Variants in ACSL1 observed in about 807,000 individuals in gnomAD.
The protein encoded by ACSL1 is acyl-CoA synthetase long chain family member 1.
A neutral mutation model predicts 98.4 loss-of-function variants in ACSL1; 41 were observed. That is an observed-to-expected ratio of 0.42 (90% confidence interval 0.32 to 0.54). The LOEUF (loss-of-function observed/expected upper bound fraction) is 0.54. Ranked by LOEUF, ACSL1 falls within the 20% of genes least tolerant of loss-of-function variation. The pLI is 0.13. For synonymous variants in ACSL1, 316 were observed against 322.7 expected (o/e 0.98, Z 0.22); for missense variants, 734 against 883.1 (o/e 0.83, Z 2.14).
rs993055658 is a variant in ACSL1 at position 184,755,826 on chromosome 4, T to C, written c.*1299A>G. 3 of 152,672 alleles carry C rather than the reference T, an allele frequency of 2.0e-5. No homozygotes were observed. The highest frequency in any genetic ancestry group is 4.4e-5 in the Non-Finnish European group (3 of 68,030). 9.5% of individuals were successfully genotyped at this position (152,672 alleles called of 1,614,324 possible). ...CAAGCCCTGTTGTGCTTGTATATAATACATGTACTCTCACAGACCCCAAAA... is the reference window on the plus strand; with the variant it reads ...CAAGCCCTGTTGTGCTTGTATATAACACATGTACTCTCACAGACCCCAAAA... On this transcript the variant is annotated 3_prime_UTR_variant, in exon 21 of 21. Transcript: ENST00000281455.
Position 184,756,996 on chromosome 4 carries a change from G to T in ACSL1, c.*129C>A, listed in dbSNP as rs570868050. The T allele has an allele frequency of 5.4e-5, 65 of 1,202,412 alleles. No individual in the cohort carries two copies. The African/African-American group carries it at 9.1e-4, about 17-fold the overall frequency. 74.5% of individuals were successfully genotyped at this position (1,202,412 alleles called of 1,614,324 possible). A position where few individuals can be genotyped will look rare whatever the true frequency, so the allele number is the denominator to read the frequency against. ...CTAGCATTCCTATGAGAAGAACCCC[G>T]AATGGACAAGTCAAACACGAACGCT... On this transcript the variant is annotated 3_prime_UTR_variant, in exon 21 of 21. Transcript: ENST00000281455.
intron 12 of ACSL1, chr4:184,767,939 A>G: frequency 3.1e-6 from 1 of 319,508 alleles, no homozygotes; most frequent in Non-Finnish European, 5.6e-6. Context: ...AAACCATTTC[A>G]TAGTTACTAT....
At chr4:184,812,487 G>T (rs923120609) in intron 1 of ACSL1, among the ~76,000 whole-genome samples, 5 of 152,162 alleles carry the variant, frequency 3.3e-5, no homozygotes, top group Admixed American at 3.3e-4. Context: ...CACCAGAAAG[G>T]AGTAGAGAAC....
rs758979518 is a variant in ACSL1 at position 184,776,656 on chromosome 4, A to G, written c.584T>C (p.Leu195Pro). 3 of 1,610,290 alleles carry G rather than the reference A, an allele frequency of 1.9e-6. No individual in the cohort carries two copies. The highest frequency in any genetic ancestry group is 1.1e-5 in the South Asian group (1 of 91,000). The change falls in exon 7 of 21, where the codon CTC (leucine) becomes CCC (proline). Residue 195 changes from leucine to proline, a missense_variant. Coordinates refer to ENST00000281455, the MANE Select transcript of ACSL1 (RefSeq NM_001995.5). ...TGGCTTGTCAACAAAAACCAGAGAG[A>G]GTTCAGCTGTAAATGAAGAGATACA... ...AITYIVNKAE[L>P]SLVFVDKPEK...
At chr4:184,786,753 G>C (rs1767439512) in intron 3 of ACSL1, among the ~76,000 whole-genome samples, 2 of 146,798 alleles carry the variant, frequency 1.4e-5, no homozygotes, top group Admixed American at 1.4e-4. Flanking sequence ...GAGTACAATG[G>C]TGCAATCCTG....
chr4:184,812,084 G>T, intron 1 of ACSL1: 1 of 698,904 alleles, frequency 1.4e-6, no homozygotes, highest in Non-Finnish European at 1.8e-6. Flanking sequence ...GAAGCAATCA[G>T]TCCTTCCTCT....
rs541195033 is a variant in ACSL1 at position 184,810,708 on chromosome 4, G to A, written c.-32-7162C>T. Among the ~76,000 whole-genome samples, 204 of 152,200 alleles carry A rather than the reference G, an allele frequency of 1.3e-3. No homozygotes were observed. The South Asian group carries it at 0.019, about 14-fold the overall frequency. The stretch of plus-strand genomic sequence containing the variant: ...TTTCGCACATTAATCTGGAACAAAC[G>A]ATAGGGCTCAAGCGGATAGGATAGG... On this transcript the variant is annotated intron_variant, in intron 1 of 20. Coordinates refer to ENST00000281455, the MANE Select transcript of ACSL1 (RefSeq NM_001995.5).
At chr4:184,763,415 G>A (rs540839724) in intron 15 of ACSL1, among the ~76,000 whole-genome samples, 160 bp from the exon 16 acceptor site, 1 of 152,316 alleles carries the variant, frequency 6.6e-6, no homozygotes, top group South Asian at 2.1e-4. Context: ...TAATTTAAGA[G>A]AGTCTATTCT....
Position 184,805,392 on chromosome 4 carries a change from C to CA in ACSL1, c.-32-1847dup, listed in dbSNP as rs561451057. 192 of 742,820 alleles carry CA rather than the reference C, an allele frequency of 2.6e-4. No individual in the cohort carries two copies. The African/African-American group carries it at 3.4e-3, about 13-fold the overall frequency. 46.0% of individuals were successfully genotyped at this position (742,820 alleles called of 1,614,324 possible). A position where few individuals can be genotyped will look rare whatever the true frequency, so the allele number is the denominator to read the frequency against. ...TACAATGAATCCATGTAAGTGTACT[C>CA]ACTCACACACACACACACAAACACA... On this transcript the variant is annotated intron_variant, in intron 1 of 20. Transcript: ENST00000281455.
At chr4:184,789,743 G>A (rs559300805) in intron 2 of ACSL1, among the ~76,000 whole-genome samples, 1 of 152,186 alleles carries the variant, frequency 6.6e-6, no homozygotes, top group Non-Finnish European at 1.5e-5. Flanking sequence ...GTCTTTACAG[G>A]TAGCAGGTCT....
At chr4:184,788,518 G>T (rs2150378648) in intron 3 of ACSL1, 99 bp downstream of exon 3, 4 of 958,918 alleles carry the variant, frequency 4.2e-6, no homozygotes, top group Non-Finnish European at 6.6e-6. Context: ...GCGATCCTAA[G>T]GAGGCGAAAG....
chr4:184,789,336 G>A (rs1008507502), intron 2 of ACSL1, among the ~76,000 whole-genome samples: 2 of 152,224 alleles, frequency 1.3e-5, no homozygotes, highest in Non-Finnish European at 2.9e-5. Context: ...CAGTTCTCAA[G>A]CCACTGCCAT....
At position 184,814,418 on chromosome 4, in the gene ACSL1, G is replaced by A. The variant is rs1371037636; in HGVS notation, c.-32-10872C>T. 2.6e-5 allele frequency among the ~76,000 whole-genome samples: 4 copies of A among 151,964 alleles called. No homozygotes were observed. The East Asian group carries it at 7.7e-4, about 29-fold the overall frequency. On this transcript the variant is annotated intron_variant, in intron 1 of 20. Transcript: ENST00000281455. ...GGGAAAAGATGGCCACACAATCCTG[G>A]CGTCCAGGACTAAACAATCAAGTTT...
At chr4:184,806,835 C>T (rs569567062) in intron 1 of ACSL1, among the ~76,000 whole-genome samples, 7 of 152,262 alleles carry the variant, frequency 4.6e-5, no homozygotes, top group African/African-American at 1.7e-4. Flanking sequence ...TTAATTCATG[C>T]CTCTTAAATG....
intron 1 of ACSL1, among the ~76,000 whole-genome samples, chr4:184,804,880 C>T (rs1771160324): frequency 6.6e-6 from 1 of 152,136 alleles, no homozygotes; most frequent in African/African-American, 2.4e-5. Flanking sequence ...AAGTAAAGCA[C>T]GCAGGTAAAA....
At chr4:184,775,208 G>C (rs1018690536) in intron 7 of ACSL1, among the ~76,000 whole-genome samples, 14 of 152,166 alleles carry the variant, frequency 9.2e-5, no homozygotes, top group South Asian at 4.1e-4. Flanking sequence ...CAGTGCAGTG[G>C]GGCGATCTCT....
chr4:184,772,081 G>A (rs1003643266), intron 10 of ACSL1, among the ~76,000 whole-genome samples: 1 of 152,214 alleles, frequency 6.6e-6, no homozygotes, highest in Non-Finnish European at 1.5e-5. Context: ...ATTTGATATT[G>A]TAACTGACTT....
intron 17 of ACSL1, among the ~76,000 whole-genome samples, chr4:184,761,206 C>T (rs912966798): frequency 6.6e-5 from 10 of 152,148 alleles, no homozygotes; most frequent in South Asian, 6.2e-4. Context: ...AACCAAGGTC[C>T]AGAGAGACTA....
intron 4 of ACSL1, among the ~76,000 whole-genome samples, chr4:184,781,979 A>G (rs1809661): frequency 0.98 from 149,809 of 152,246 alleles, 73,775 homozygotes; most frequent in Middle Eastern, 1. Flanking sequence ...ACCCATACCC[A>G]TAGGAAATAA....
Sources: gnomAD v4.1 joint callset for allele counts (sites outside exome capture counted in the v4.1 genomes callset) on GRCh38, gnomAD v4.1.1 for gene constraint, MANE v1.5 for transcripts, NCBI Gene and HGNC (gene_info 2026-07-23, HGNC 2026-07-21) for gene names.